Variants in MYT1L observed in about 807,000 individuals in gnomAD.
MYT1L encodes myelin transcription factor 1 like.
Under a neutral mutation model 126.7 loss-of-function variants are expected in MYT1L, and 12 were observed. The ratio of observed to expected loss-of-function variants is 0.09; its 90% CI spans 0.06 to 0.15. The LOEUF (loss-of-function observed/expected upper bound fraction) is 0.15. MYT1L is among the 10% of genes least tolerant of loss of function. The pLI is 1.00. For synonymous variants in MYT1L, 541 were observed against 604.2 expected (o/e 0.90, Z 1.53); for missense variants, 979 against 1,585.2 (o/e 0.62, Z 6.49).
chr2:2,271,826 C>T (rs1000893900), intron 2 of MYT1L, among the ~76,000 whole-genome samples: 1 of 152,198 alleles, frequency 6.6e-6, no homozygotes, highest in Non-Finnish European at 1.5e-5. Context: ...ACCCCAACGA[C>T]ATCCTTGGGT....
At chr2:1,952,229 GT>G (rs1174635402) in intron 8 of MYT1L, among the ~76,000 whole-genome samples, 1 of 152,050 alleles carries the variant, frequency 6.6e-6, no homozygotes, top group Non-Finnish European at 1.5e-5. Context: ...GCAGGGAGTT[GT>G]TTTTTTATCT....
intron 1 of MYT1L, among the ~76,000 whole-genome samples, chr2:2,330,499 A>T (rs1447790263): frequency 6.6e-6 from 1 of 152,224 alleles, no homozygotes; most frequent in African/African-American, 2.4e-5. Flanking sequence ...AGTTAAATTT[A>T]AAAATCTTTA....
intron 3 of MYT1L, among the ~76,000 whole-genome samples, chr2:2,138,713 A>C: frequency 1.2e-5 from 1 of 84,762 alleles, no homozygotes; most frequent in African/African-American, 4.7e-5. Flanking sequence ...GGGAGGGGGG[A>C]GGGATAGCAT....
In MYT1L at chr2:2,123,919, C is replaced by T. The variant is rs556088534; in HGVS notation, c.-304+48953G>A. Among the ~76,000 whole-genome samples, 14 of 152,258 alleles carry T rather than the reference C, an allele frequency of 9.2e-5. No individual in the cohort carries two copies. The South Asian group carries it at 2.7e-3, about 29-fold the overall frequency. ...GCCCTGAGCCCTGGAAAGCGGCTGCCGCTGGACACTGGGAAGTACAGGGAA... is the reference window on the plus strand; with the variant it reads ...GCCCTGAGCCCTGGAAAGCGGCTGCTGCTGGACACTGGGAAGTACAGGGAA... On this transcript the variant is annotated intron_variant, in intron 3 of 24. Transcript: ENST00000647738.
chr2:2,055,755 T>C (rs915817245), intron 3 of MYT1L, among the ~76,000 whole-genome samples: 1 of 152,248 alleles, frequency 6.6e-6, no homozygotes, highest in Non-Finnish European at 1.5e-5. Context: ...CTTAAAACAA[T>C]CATAATATTT....
chr2:1,939,791 T>C (rs2056425877), intron 9 of MYT1L, among the ~76,000 whole-genome samples: 3 of 152,334 alleles, frequency 2.0e-5, no homozygotes, highest in South Asian at 4.1e-4. Context: ...AGATATTCCA[T>C]CCAGCTGGAG....
rs1333676900 is a variant in MYT1L, at chr2:2,228,568, T to C, written c.-420-55580A>G. ...TTTGATTTTATAGAAAAAGTATTTA[T>C]ATAAATTCTTGAGTTGAAAGATTAA... is the stretch of plus-strand genomic sequence containing the variant. On this transcript the variant is annotated intron_variant, in intron 2 of 24. Transcript: ENST00000647738. The surrounding 1 kb of genome is among the most constrained non-coding windows in gnomAD (Gnocchi z 5.9). Among the ~76,000 whole-genome samples, 1 of 152,224 alleles carries C rather than the reference T, an allele frequency of 6.6e-6. No homozygotes were observed. Among genetic ancestry groups the C allele is most frequent in the Non-Finnish European group, 1.5e-5 (1 of 68,026 alleles).
chr2:1,903,819 A>G (rs1246783196), intron 13 of MYT1L, among the ~76,000 whole-genome samples: 1 of 152,240 alleles, frequency 6.6e-6, no homozygotes, highest in East Asian at 1.9e-4. Context: ...GTCAAGTACT[A>G]GAATATGCAT....
At chr2:1,881,386 GTGTGTGTGTGT>G (rs2047526370) in intron 18 of MYT1L, among the ~76,000 whole-genome samples, 1 of 150,008 alleles carries the variant, frequency 6.7e-6, no homozygotes, top group East Asian at 1.9e-4. Flanking sequence ...GTGTGTGTGT[GTGTGTGTGTGT>G]GTGTCTGAAG....
intron 3 of MYT1L, among the ~76,000 whole-genome samples, chr2:2,172,351 C>G (rs2090166000): frequency 6.6e-6 from 1 of 152,106 alleles, no homozygotes; most frequent in African/African-American, 2.4e-5. Context: ...CACTGGCCAC[C>G]CCGAGGCATC....
chr2:1,903,958 CGCGT>C (rs2050699760), intron 13 of MYT1L, among the ~76,000 whole-genome samples: 1 of 152,092 alleles, frequency 6.6e-6, no homozygotes, highest in African/African-American at 2.4e-5. Flanking sequence ...TGCGCGTGCG[CGCGT>C]GTGTGTGTCC....
intron 2 of MYT1L, among the ~76,000 whole-genome samples, chr2:2,223,926 G>A (rs957919992): frequency 6.6e-6 from 1 of 152,320 alleles, no homozygotes; most frequent in East Asian, 1.9e-4. Context: ...GTGGGTCAGC[G>A]AAGGGAGATG....
At chr2:2,074,439 C>T (rs1035937135) in intron 3 of MYT1L, among the ~76,000 whole-genome samples, 1 of 152,078 alleles carries the variant, frequency 6.6e-6, no homozygotes, top group Non-Finnish European at 1.5e-5. Flanking sequence ...CAAAGAAGTG[C>T]ATTACAAAAG....
chr2:1,847,324 G>A (rs535582840), intron 19 of MYT1L, among the ~76,000 whole-genome samples: 50 of 152,312 alleles, frequency 3.3e-4, no homozygotes, highest in African/African-American at 1.2e-3. Context: ...GGCCATTCGG[G>A]AACCGTAGAG....
intron 4 of MYT1L, among the ~76,000 whole-genome samples, chr2:2,048,299 TC>T (rs1356427403): frequency 6.6e-6 from 1 of 152,202 alleles, no homozygotes; most frequent in Non-Finnish European, 1.5e-5. Flanking sequence ...TGATACCTCT[TC>T]CTGAGATTTA....
chr2:2,004,305 GCGTTCTTTCC>G (rs2062855755), intron 4 of MYT1L, among the ~76,000 whole-genome samples: 1 of 138,480 alleles, frequency 7.2e-6, no homozygotes, highest in Non-Finnish European at 1.6e-5. Flanking sequence ...TTTCCTGCAT[GCGTTCTTTCC>G]TGCAGGCGTT....
At chr2:2,281,939 G>A (rs1363709508) in intron 2 of MYT1L, among the ~76,000 whole-genome samples, 6 of 152,146 alleles carry the variant, frequency 3.9e-5, no homozygotes, top group Non-Finnish European at 5.9e-5. Context: ...GTGGCATGGG[G>A]GCAGAAATGT....
intron 3 of MYT1L, among the ~76,000 whole-genome samples, chr2:2,159,418 G>A (rs1289939633): frequency 6.6e-6 from 1 of 152,060 alleles, no homozygotes; most frequent in South Asian, 2.1e-4. Flanking sequence ...GGAGGTGAGA[G>A]GCGCTCAAAC....
chr2:2,317,303 C>T (rs867581584), intron 1 of MYT1L, among the ~76,000 whole-genome samples: 8 of 152,044 alleles, frequency 5.3e-5, no homozygotes, highest in East Asian at 1.9e-4. Flanking sequence ...ACAAGGGGCC[C>T]GTCGGTGTGG....
Sources: gnomAD v4.1 joint callset for allele counts (sites outside exome capture counted in the v4.1 genomes callset) on GRCh38, gnomAD v4.1.1 for gene constraint, Gnocchi (gnomAD v3.1) non-coding constraint, MANE v1.5 for transcripts, NCBI Gene and HGNC (gene_info 2026-07-23, HGNC 2026-07-21) for gene names.